The following LRP12 variants were observed in gnomAD, a reference collection of about 807,000 sequenced individuals.
The protein encoded by LRP12 is LDL receptor related protein 12, also known as low-density lipoprotein receptor-related protein 12.
A neutral mutation model predicts 66.0 loss-of-function variants in LRP12; 14 were observed. The ratio of observed to expected loss-of-function variants is 0.21; its 90% CI spans 0.14 to 0.33. The LOEUF is 0.33. Ranked by LOEUF, LRP12 falls within the 10% of genes least tolerant of loss-of-function variation. The pLI, the probability that LRP12 is intolerant of heterozygous loss-of-function variation, is 1.00. For missense variants in LRP12, 889 were observed against 1,053.4 expected (o/e 0.84, Z 2.16); for synonymous variants, 357 against 359.1 (o/e 0.99, Z 0.07).
At chr8:104,584,964 C>T (rs1812307293) in intron 1 of LRP12, among the ~76,000 whole-genome samples, 1 of 152,180 alleles carries the variant, frequency 6.6e-6, no homozygotes, top group Non-Finnish European at 1.5e-5. Flanking sequence ...AAGATTCATC[C>T]ATTACATATA....
chr8:104,557,552 A>G (rs1245427746), intron 1 of LRP12, among the ~76,000 whole-genome samples: 1 of 152,062 alleles, frequency 6.6e-6, no homozygotes, highest in Admixed American at 6.5e-5. Flanking sequence ...AATTAGGAAT[A>G]TACCTAACCA....
intron 1 of LRP12, among the ~76,000 whole-genome samples, chr8:104,571,122 A>G (rs78596234): frequency 0.045 from 6,868 of 152,330 alleles, 233 homozygotes; most frequent in Non-Finnish European, 0.074. Context: ...GTCAGAATGC[A>G]AACTGATATA....
chr8:104,537,865 C>T (rs931316899), intron 1 of LRP12, among the ~76,000 whole-genome samples: 6 of 152,128 alleles, frequency 3.9e-5, no homozygotes, highest in African/African-American at 1.2e-4. Flanking sequence ...AGTTCTAGAA[C>T]AGGAAACAAT....
At chr8:104,560,161 T>C (rs1811882140) in intron 1 of LRP12, among the ~76,000 whole-genome samples, 1 of 152,200 alleles carries the variant, frequency 6.6e-6, no homozygotes, top group Non-Finnish European at 1.5e-5. Flanking sequence ...AGAACAAACG[T>C]ATCCTTTAAT....
chr8:104,573,191 A>C (rs1237695943), intron 1 of LRP12, among the ~76,000 whole-genome samples: 1 of 152,192 alleles, frequency 6.6e-6, no homozygotes, highest in Non-Finnish European at 1.5e-5. Flanking sequence ...CATACAAGTA[A>C]TCATGTTAGT....
At chr8:104,517,391 C>T (rs898598228) in intron 2 of LRP12, among the ~76,000 whole-genome samples, 1 of 151,754 alleles carries the variant, frequency 6.6e-6, no homozygotes, top group Admixed American at 6.6e-5. Context: ...GGTAGAGCCA[C>T]AGAAAAGCAT....
At chr8:104,559,157 A>G (rs1338015083) in intron 1 of LRP12, among the ~76,000 whole-genome samples, 1 of 152,238 alleles carries the variant, frequency 6.6e-6, no homozygotes, top group Non-Finnish European at 1.5e-5. Flanking sequence ...TTGCACATGC[A>G]TATTTATAGC....
At chr8:104,577,106 AAG>A (rs1257416234) in intron 1 of LRP12, among the ~76,000 whole-genome samples, 5 of 152,176 alleles carry the variant, frequency 3.3e-5, no homozygotes, top group Non-Finnish European at 7.4e-5. Flanking sequence ...GAGACCTTCA[AAG>A]AGACTTAGAC....
At chr8:104,584,968 A>G (rs1361533460) in intron 1 of LRP12, among the ~76,000 whole-genome samples, 1 of 152,238 alleles carries the variant, frequency 6.6e-6, no homozygotes, top group Admixed American at 6.5e-5. Flanking sequence ...TTCATCCATT[A>G]CATATATGCA....
chr8:104,494,733 A>G (rs1415157720), intron 6 of LRP12, among the ~76,000 whole-genome samples: 1 of 152,188 alleles, frequency 6.6e-6, no homozygotes, highest in Non-Finnish European at 1.5e-5. Flanking sequence ...CTAGCATGTT[A>G]TATTGCTAGC....
At chr8:104,529,439 A>G (rs1249741364) in intron 2 of LRP12, among the ~76,000 whole-genome samples, 1 of 152,062 alleles carries the variant, frequency 6.6e-6, no homozygotes, top group Non-Finnish European at 1.5e-5. Context: ...AATTCAGAAG[A>G]AAAAAAAGAT....
intron 1 of LRP12, among the ~76,000 whole-genome samples, chr8:104,578,340 AG>A (rs557371901): frequency 6.6e-6 from 1 of 152,206 alleles, no homozygotes; most frequent in Non-Finnish European, 1.5e-5. Context: ...AGACTAAACC[AG>A]GAAAAAAACT....
At chr8:104,556,451 G>A (rs1200151007) in intron 1 of LRP12, among the ~76,000 whole-genome samples, 1 of 152,158 alleles carries the variant, frequency 6.6e-6, no homozygotes, top group East Asian at 1.9e-4. Context: ...GAAATGAAAT[G>A]GGAGATATTA....
intron 5 of LRP12, 26 bp downstream of exon 5, chr8:104,496,946 C>A: frequency 6.8e-7 from 1 of 1,480,934 alleles, no homozygotes; most frequent in Non-Finnish European, 9.0e-7. Flanking sequence ...TTTATTGAGG[C>A]CCAATAGTTC....
chr8:104,491,824 GTTGTTTCA>G (rs1485796375), intron 6 of LRP12, among the ~76,000 whole-genome samples: 1 of 152,058 alleles, frequency 6.6e-6, no homozygotes, highest in Non-Finnish European at 1.5e-5. Context: ...AATTATAACA[GTTGTTTCA>G]AAATCTCACA....
intron 2 of LRP12, 46 bp from the exon 3 acceptor site, chr8:104,509,120 A>G: frequency 6.3e-7 from 1 of 1,591,656 alleles, no homozygotes; most frequent in African/African-American, 1.3e-5. Flanking sequence ...ACACATTTAA[A>G]TGGTATTAGG....
intron 1 of LRP12, among the ~76,000 whole-genome samples, chr8:104,543,932 A>G (rs554539108): frequency 2.0e-5 from 3 of 152,346 alleles, no homozygotes; most frequent in Admixed American, 6.5e-5. Flanking sequence ...AAAACAAAAC[A>G]AAACAACAAC....
At chr8:104,555,113 T>A (rs1564144070) in intron 1 of LRP12, among the ~76,000 whole-genome samples, 1 of 152,192 alleles carries the variant, frequency 6.6e-6, no homozygotes, top group Non-Finnish European at 1.5e-5. Flanking sequence ...CAAGAACTGT[T>A]AAAAGGAGCT....
At chr8:104,546,977 T>C (rs1406408258) in intron 1 of LRP12, among the ~76,000 whole-genome samples, 2 of 143,042 alleles carry the variant, frequency 1.4e-5, no homozygotes, top group East Asian at 2.0e-4. Context: ...TATATAATTC[T>C]ATACATTTTG....
Sources: gnomAD v4.1 joint callset for allele counts (sites outside exome capture counted in the v4.1 genomes callset) on GRCh38, gnomAD v4.1.1 for gene constraint, MANE v1.5 for transcripts, NCBI Gene and HGNC (gene_info 2026-07-23, HGNC 2026-07-21) for gene names.